PTPRG: variants seen among roughly 807,000 people sequenced by gnomAD.
The protein encoded by PTPRG is receptor-type tyrosine-protein phosphatase gamma.
A neutral mutation model predicts 165.3 loss-of-function variants in PTPRG; 102 were observed. The ratio of observed to expected loss-of-function variants is 0.62; its 90% CI spans 0.53 to 0.73. The LOEUF is 0.73. Ranked by LOEUF, PTPRG falls within the 30% of genes least tolerant of loss-of-function variation. The pLI, the probability that PTPRG is intolerant of heterozygous loss-of-function variation, is 0.00. For synonymous variants in PTPRG, 675 were observed against 669.5 expected (o/e 1.01, Z -0.13); for missense variants, 1,866 against 1,861.4 (o/e 1.00, Z -0.05).
intron 2 of PTPRG, among the ~76,000 whole-genome samples, chr3:61,884,373 G>A (rs1194265242): frequency 6.6e-6 from 1 of 152,196 alleles, no homozygotes; most frequent in Non-Finnish European, 1.5e-5. Context: ...TGTTGGGTCA[G>A]CCCTCAGGGA....
intron 4 of PTPRG, among the ~76,000 whole-genome samples, chr3:62,050,344 C>T (rs901644383): frequency 1.3e-5 from 2 of 152,186 alleles, no homozygotes; most frequent in Middle Eastern, 3.2e-3. Flanking sequence ...GTATTCAATA[C>T]AGTCATATAG....
At position 61,762,864 on chromosome 3, in the gene PTPRG, T is replaced by C. The variant is rs1228460419; in HGVS notation, c.190+13882T>C. 2.0e-5 allele frequency among the ~76,000 whole-genome samples: 3 copies of C among 152,106 alleles called. No homozygotes were observed. The East Asian group carries it at 5.8e-4, about 29-fold the overall frequency. ...TGCCATCTTTAAGGTACACCCCATG[T>C]TGTTTAGGCTTTGCCATCCTTAGTG... On this transcript the variant is annotated intron_variant, in intron 2 of 29. Transcript: ENST00000474889.
chr3:61,969,853 T>G (rs1022295956), intron 2 of PTPRG, among the ~76,000 whole-genome samples: 1 of 152,132 alleles, frequency 6.6e-6, no homozygotes, highest in Non-Finnish European at 1.5e-5. Flanking sequence ...CTGCACTGGG[T>G]AGATGGTACA....
chr3:62,273,210 A>G lies in PTPRG; in HGVS notation c.3318+129A>G. The G allele has an allele frequency of 9.7e-7, 1 of 1,034,780 alleles. No homozygotes were observed. Among genetic ancestry groups the G allele is most frequent in the Non-Finnish European group, 1.4e-6 (1 of 740,716 alleles). The allele number at this position is 1,034,780 out of a possible 1,614,324, so 64.1% of individuals were successfully genotyped here. A position where few individuals can be genotyped will look rare whatever the true frequency, so the allele number is the denominator to read the frequency against. ...GTAATTTACAGGTTTGTATTAGAAG[A>G]TATTCTGACAATGATCCTATTCTAC... is the stretch of plus-strand genomic sequence containing the variant. On this transcript the variant is annotated intron_variant, in intron 22 of 29. Transcript: ENST00000474889. The surrounding 1 kb of genome is among the most constrained non-coding windows in gnomAD (Gnocchi z 4.1).
intron 5 of PTPRG, among the ~76,000 whole-genome samples, chr3:62,102,878 A>G (rs943127256): frequency 2.0e-5 from 3 of 150,808 alleles, no homozygotes; most frequent in African/African-American, 7.5e-5. Context: ...TTCTCATGCC[A>G]TCATCTAAAT....
intron 4 of PTPRG, among the ~76,000 whole-genome samples, chr3:62,067,346 G>T (rs941506878): frequency 1.3e-5 from 2 of 151,644 alleles, no homozygotes; most frequent in South Asian, 4.2e-4. Context: ...GCATTTTGGG[G>T]TGTTTAGGAG....
intron 4 of PTPRG, among the ~76,000 whole-genome samples, chr3:62,037,579 T>G (rs1007798640): frequency 3.9e-5 from 6 of 152,222 alleles, no homozygotes; most frequent in African/African-American, 1.4e-4. Context: ...ATGGACCTAC[T>G]CTTGTGTGCC....
intron 1 of PTPRG, among the ~76,000 whole-genome samples, chr3:61,702,687 C>G (rs1431479776): frequency 2.0e-5 from 3 of 152,214 alleles, no homozygotes; most frequent in Non-Finnish European, 4.4e-5. Context: ...TCCCAACCCC[C>G]CACCAGGTAA....
chr3:62,243,775 A>G (rs752726393), intron 14 of PTPRG, 32 bp from the exon 15 acceptor site: 5 of 1,319,218 alleles, frequency 3.8e-6, no homozygotes, highest in South Asian at 3.7e-5. Context: ...AGTATATTCT[A>G]TTATTGACAT....
In PTPRG at chr3:62,222,015, G is replaced by A. The variant is rs1700662777; in HGVS notation, c.2288+3032G>A. Among the ~76,000 whole-genome samples the A allele has an allele frequency of 6.6e-6, 1 of 152,192 alleles. No homozygotes were observed. The highest frequency in any genetic ancestry group is 1.5e-5 in the Non-Finnish European group (1 of 68,030). The stretch of plus-strand genomic sequence containing the variant: ...ATTCTCACAACAGATCTGTACGGTA[G>A]GTACTATCACTGTCCTTTCTATTTG... On this transcript the variant is annotated intron_variant, in intron 13 of 29. Transcript: ENST00000474889. This position sits in a 1 kb window ranked among gnomAD's most constrained non-coding sequence, Gnocchi z 4.5.
At chr3:61,865,339 C>T (rs1210920783) in intron 2 of PTPRG, among the ~76,000 whole-genome samples, 1 of 152,134 alleles carries the variant, frequency 6.6e-6, no homozygotes, top group Non-Finnish European at 1.5e-5. Flanking sequence ...CTTGTTTGAG[C>T]GTCTCATTTA....
At chr3:61,756,242 G>C (rs556762285) in intron 2 of PTPRG, among the ~76,000 whole-genome samples, 2 of 152,298 alleles carry the variant, frequency 1.3e-5, no homozygotes, top group African/African-American at 4.8e-5. Context: ...ACCTTTGTCT[G>C]TAATTAGTCA....
At chr3:61,711,958 A>T (rs1464660323) in intron 1 of PTPRG, among the ~76,000 whole-genome samples, 2 of 139,730 alleles carry the variant, frequency 1.4e-5, no homozygotes, top group African/African-American at 5.4e-5. Flanking sequence ...CAATGGTGTG[A>T]TCTCGGCTCA....
intron 2 of PTPRG, among the ~76,000 whole-genome samples, chr3:61,988,881 A>G (rs1044210658): frequency 2.0e-5 from 3 of 152,132 alleles, no homozygotes; most frequent in African/African-American, 7.2e-5. Context: ...CTGTATTTAT[A>G]CCTGATTGGT....
intron 7 of PTPRG, among the ~76,000 whole-genome samples, chr3:62,161,046 A>C (rs116729931): frequency 1.3e-5 from 2 of 152,104 alleles, no homozygotes; most frequent in South Asian, 2.1e-4. Context: ...TCTTCGGCCA[A>C]ATTACTCAAG....
At chr3:61,619,388 G>A (rs919816920) in intron 1 of PTPRG, among the ~76,000 whole-genome samples, 3 of 152,148 alleles carry the variant, frequency 2.0e-5, no homozygotes, top group Non-Finnish European at 4.4e-5. Flanking sequence ...TCTCTTCCAA[G>A]GGGACATTTG....
chr3:61,613,976 T>A (rs1701243789), intron 1 of PTPRG, among the ~76,000 whole-genome samples: 1 of 152,226 alleles, frequency 6.6e-6, no homozygotes, highest in South Asian at 2.1e-4. Flanking sequence ...CAGTGCTCTC[T>A]AAATTTACTG....
At chr3:61,563,086 C>T (rs1054039347) in intron 1 of PTPRG, among the ~76,000 whole-genome samples, 2 of 151,918 alleles carry the variant, frequency 1.3e-5, no homozygotes, top group Admixed American at 1.3e-4. Flanking sequence ...TGGCCCTTTC[C>T]CTCCGCTGCT....
At chr3:62,022,969 T>G (rs950121478) in intron 4 of PTPRG, among the ~76,000 whole-genome samples, 4 of 152,130 alleles carry the variant, frequency 2.6e-5, no homozygotes, top group East Asian at 1.9e-4. Context: ...ATTGTCTTAT[T>G]GCGTGTTTAT....
Sources: gnomAD v4.1 joint callset for allele counts (sites outside exome capture counted in the v4.1 genomes callset) on GRCh38, gnomAD v4.1.1 for gene constraint, Gnocchi (gnomAD v3.1) non-coding constraint, MANE v1.5 for transcripts, NCBI Gene and HGNC (gene_info 2026-07-23, HGNC 2026-07-21) for gene names.